The following CEP164 variants were observed in gnomAD, a reference collection of about 807,000 sequenced individuals.
CEP164 encodes centrosomal protein of 164 kDa.
CEP164 carries 162 observed loss-of-function variants against 182.7 expected under a neutral mutation model. That is an observed-to-expected ratio of 0.89 (90% CI 0.78 to 1.01). CEP164 has a LOEUF of 1.01. CEP164 is among the 50% of genes least tolerant of loss of function. The probability of loss-of-function intolerance (pLI) is 0.00; values close to 1 mark genes in which losing one functional copy is unlikely to be tolerated. For synonymous variants in CEP164, 661 were observed against 690.0 expected (o/e 0.96, Z 0.66); for missense variants, 1,735 against 1,790.4 (o/e 0.97, Z 0.56).
At position 117,381,806 on chromosome 11, in the gene CEP164, G is replaced by T; in HGVS notation, c.1515G>T (p.Lys505Asn). Residue 505 changes from lysine (K) to asparagine (N), a missense_variant, in exon 13 of 33, where the codon AAG becomes AAT. Coordinates refer to ENST00000278935, the MANE Select transcript of CEP164 (RefSeq NM_014956.5). ...PQGPEGQPEW[K>N]EAEELGEDSA... ...GCCCCGAGGGGCAGCCCGAGTGGAA[G>T]GAGGCAGAGGAGCTTGGGGAGGACT... The T allele has an allele frequency of 6.4e-7, 1 of 1,558,796 alleles. No homozygotes were observed. Among genetic ancestry groups the T allele is most frequent in the Non-Finnish European group, 8.7e-7 (1 of 1,151,278 alleles).
chr11:117,332,217 A>C (rs551276229), intron 1 of CEP164, among the ~76,000 whole-genome samples: 1 of 152,176 alleles, frequency 6.6e-6, no homozygotes, highest in Non-Finnish European at 1.5e-5. Flanking sequence ...ATTCCAGAGG[A>C]GGAGACATGG....
At chr11:117,396,010 T>C in intron 24 of CEP164, 44 bp from the exon 25 acceptor site, 2 of 1,612,154 alleles carry the variant, frequency 1.2e-6, no homozygotes, top group Non-Finnish European at 1.7e-6. Flanking sequence ...CTCCCCCCCA[T>C]CGCCAGCCGC....
Position 117,387,298 on chromosome 11 carries a change from A to G in CEP164, c.1820A>G (p.Gln607Arg). The change falls in exon 15 of 33, where the codon CAG (glutamine) becomes CGG (arginine). Residue 607 changes from glutamine to arginine, a missense_variant. Coordinates refer to ENST00000278935, the MANE Select transcript of CEP164 (RefSeq NM_014956.5). ...EAVAQVLEQDQRHLLESKQEK... is the reference protein window; with the variant it reads ...EAVAQVLEQDRRHLLESKQEK... ...GTGGCCCAAGTACTCGAGCAAGACC[A>G]GAGGCACCTGCTGGAATCCAAGCAA... 2 of 1,614,236 alleles carry G rather than the reference A, an allele frequency of 1.2e-6. No homozygotes were observed. Among genetic ancestry groups the G allele is most frequent in the South Asian group, 1.1e-5 (1 of 91,082 alleles).
At chr11:117,385,165 C>G (rs2043802350) in intron 14 of CEP164, 4 of 152,312 alleles carry the variant, frequency 2.6e-5, no homozygotes, top group Admixed American at 2.6e-4. Flanking sequence ...TTCTTGCTTT[C>G]TCTCCCGTAT....
intron 18 of CEP164, 79 bp from the exon 19 acceptor site, chr11:117,392,417 C>T (rs1011434717): frequency 6.4e-7 from 1 of 1,573,668 alleles, no homozygotes; most frequent in Non-Finnish European, 8.6e-7. Flanking sequence ...ATGCCAGGTC[C>T]TCAGAACACA....
Position 117,408,049 on chromosome 11 carries a change from A to G in CEP164, c.3609+17A>G. 1 of 1,547,052 alleles carries G rather than the reference A, an allele frequency of 6.5e-7. No individual in the cohort carries two copies. Among genetic ancestry groups the G allele is most frequent in the Non-Finnish European group, 8.8e-7 (1 of 1,137,290 alleles). ...TGGGAAGAGGTGCAGCCCCATGTCC[A>G]CATAGTCCAGTGGGCCCTGGCCTTC... On this transcript the variant is annotated intron_variant, in intron 28 of 32. Transcript: ENST00000278935.
intron 2 of CEP164, 63 bp from the exon 3 acceptor site, chr11:117,338,503 A>G (rs946476211): frequency 1.6e-6 from 2 of 1,267,926 alleles, no homozygotes; most frequent in African/African-American, 2.9e-5. Context: ...CCCAGTGCCA[A>G]CTTTTCCCCT....
At chr11:117,368,495 C>G (rs184596809) in intron 8 of CEP164, among the ~76,000 whole-genome samples, 2 of 152,156 alleles carry the variant, frequency 1.3e-5, no homozygotes, top group Non-Finnish European at 2.9e-5. Flanking sequence ...CCTTTGCCCT[C>G]GCATCTAAGG....
upstream of CEP164, among the ~76,000 whole-genome samples, chr11:117,326,435 A>G (rs575139941): frequency 1.4e-5 from 2 of 142,962 alleles, no homozygotes; most frequent in Non-Finnish European, 3.1e-5. Context: ...GTTTCATCAT[A>G]TTGGCCAGGC....
At chr11:117,341,773 C>T (rs1274399107) in intron 3 of CEP164, among the ~76,000 whole-genome samples, 1 of 152,132 alleles carries the variant, frequency 6.6e-6, no homozygotes, top group African/African-American at 2.4e-5. Context: ...GTCCCCAGAG[C>T]TACTGGTTGT....
At chr11:117,378,869 CTGCTGCCTTTTT>C (rs970051591) in intron 11 of CEP164, among the ~76,000 whole-genome samples, 33 of 152,356 alleles carry the variant, frequency 2.2e-4, no homozygotes, top group African/African-American at 7.9e-4. Flanking sequence ...GCCCTCCTGT[CTGCTGCCTTTTT>C]TCTTATGGTG....
At chr11:117,346,418 C>G (rs563338613) in intron 4 of CEP164, among the ~76,000 whole-genome samples, 2 of 151,994 alleles carry the variant, frequency 1.3e-5, no homozygotes, top group African/African-American at 4.8e-5. Flanking sequence ...GCCACCACGC[C>G]GGGCTAATTT....
At chr11:117,377,684 T>C (rs1320123112) in intron 11 of CEP164, among the ~76,000 whole-genome samples, 1 of 152,218 alleles carries the variant, frequency 6.6e-6, no homozygotes, top group Non-Finnish European at 1.5e-5. Flanking sequence ...AACTGAGCTA[T>C]ACTAGTTTTT....
intron 5 of CEP164, chr11:117,356,449 A>G (rs1337749076): frequency 7.9e-7 from 1 of 1,265,864 alleles, no homozygotes; most frequent in Non-Finnish European, 1.0e-6. Context: ...CATGGGAGCC[A>G]GAGCTGCTGG....
chr11:117,357,825 G>A (rs2040478909), intron 5 of CEP164, among the ~76,000 whole-genome samples: 1 of 152,166 alleles, frequency 6.6e-6, no homozygotes, highest in South Asian at 2.1e-4. Flanking sequence ...AAACCACATG[G>A]ATAACCTGTG....
intron 27 of CEP164, among the ~76,000 whole-genome samples, chr11:117,402,225 C>CT (rs760678070): frequency 0.017 from 2,430 of 141,150 alleles, 23 homozygotes; most frequent in Middle Eastern, 0.029. Context: ...CTTTTCTTGT[C>CT]TTTTTTTTTT....
chr11:117,395,748 C>T, intron 24 of CEP164, 26 bp downstream of exon 24: 5 of 1,586,854 alleles, frequency 3.2e-6, no homozygotes, highest in Non-Finnish European at 4.3e-6. Context: ...TGCACTTAGC[C>T]CTGCTGGCTG....
At chr11:117,373,610 G>T in intron 9 of CEP164, 141 bp from the exon 10 acceptor site, 2 of 723,576 alleles carry the variant, frequency 2.8e-6, no homozygotes, top group Non-Finnish European at 4.8e-6. Flanking sequence ...CACAGGCCTC[G>T]TTTAGGTTTT....
At chr11:117,377,042 T>C (rs553638364) in intron 11 of CEP164, among the ~76,000 whole-genome samples, 2 of 152,270 alleles carry the variant, frequency 1.3e-5, no homozygotes, top group African/African-American at 4.8e-5. Context: ...TGCCACTTGC[T>C]GTAACGCAGT....
Sources: allele counts gnomAD v4.1 joint callset (sites outside exome capture counted in the v4.1 genomes callset), GRCh38; gene constraint gnomAD v4.1.1; transcripts MANE v1.5; gene names NCBI Gene and HGNC (gene_info 2026-07-23, HGNC 2026-07-21).